ADA2: variants seen among roughly 807,000 people sequenced by gnomAD.
ADA2 encodes the protein adenosine deaminase CECR1.
ADA2 carries 29 observed loss-of-function variants against 44.2 expected under a neutral mutation model. The observed-to-expected ratio is 0.66, with a 90% CI of 0.49 to 0.89. ADA2 has a LOEUF of 0.89. Among genes scored for constraint, ADA2 ranks in the 40% least tolerant of loss-of-function variants. The pLI is 0.00. For synonymous variants in ADA2, 215 were observed against 234.9 expected (o/e 0.92, Z 0.77); for missense variants, 637 against 644.8 (o/e 0.99, Z 0.13).
intron 4 of ADA2, chr22:17,198,727 G>A (rs2062225956): frequency 6.6e-6 from 1 of 152,192 alleles, no homozygotes; most frequent in Non-Finnish European, 1.5e-5. Flanking sequence ...ATAACCCTCC[G>A]GGGTCTTGGA....
In ADA2 at chr22:17,181,789, C is replaced by T. The variant is rs41282461; in HGVS notation, c.1442+31G>A. On this transcript the variant is annotated intron_variant, in intron 9 of 9. Coordinates refer to ENST00000399837, the MANE Select transcript of ADA2 (RefSeq NM_001282225.2). Reference sequence around the variant, plus strand: ...ACACAAGCTGCGGGCTGGAAGGAGGCGGGGGACCTGGGAGGACACAGGACA... The same window carrying T: ...ACACAAGCTGCGGGCTGGAAGGAGGTGGGGGACCTGGGAGGACACAGGACA... 0.3 allele frequency: 467,038 copies of T among 1,578,648 alleles called. 73,240 individuals are homozygous for T. The highest frequency in any genetic ancestry group is 0.33 in the Non-Finnish European group (376,852 of 1,149,768).
chr22:17,215,317 C>T (rs1196100898), intron 1 of ADA2, among the ~76,000 whole-genome samples: 2 of 152,156 alleles, frequency 1.3e-5, no homozygotes, highest in Non-Finnish European at 2.9e-5. Context: ...AATGAAATCA[C>T]GGGCTGGGCA....
chr22:17,211,438 T>C (rs1356694345), intron 1 of ADA2, among the ~76,000 whole-genome samples: 2 of 151,808 alleles, frequency 1.3e-5, no homozygotes, highest in African/African-American at 4.8e-5. Context: ...TTCAAGACCA[T>C]TCTCAGCAAC....
intron 1 of ADA2, among the ~76,000 whole-genome samples, chr22:17,212,623 G>C (rs978726368): frequency 6.6e-6 from 1 of 152,082 alleles, no homozygotes; most frequent in Non-Finnish European, 1.5e-5. Flanking sequence ...CTGATGGAGA[G>C]CTAATATCCA....
chr22:17,181,705 G>T (rs1164994665), intron 9 of ADA2, 115 bp downstream of exon 9: 2 of 1,086,854 alleles, frequency 1.8e-6, no homozygotes, highest in Non-Finnish European at 2.8e-6. Context: ...AAACAGCCAT[G>T]ATGAGAAGGA....
chr22:17,207,599 A>T, intron 2 of ADA2, among the ~76,000 whole-genome samples: 1 of 152,050 alleles, frequency 6.6e-6, no homozygotes. Flanking sequence ...TGTCTCACTA[A>T]TCAGGAGCCA....
At chr22:17,205,036 T>A (rs547288296) in intron 3 of ADA2, among the ~76,000 whole-genome samples, 9 of 149,344 alleles carry the variant, frequency 6.0e-5, no homozygotes, top group East Asian at 3.9e-4. Flanking sequence ...TTTTTTTTTT[T>A]AAACAGAATC....
intron 1 of ADA2, among the ~76,000 whole-genome samples, chr22:17,218,975 G>A (rs113385391): frequency 0.064 from 9,807 of 152,184 alleles, 393 homozygotes; most frequent in East Asian, 0.12. Context: ...TGGCCAACAC[G>A]GTGAAACCCC....
At chr22:17,201,212 AAAG>A (rs954350570) in intron 4 of ADA2, among the ~76,000 whole-genome samples, 44 of 152,132 alleles carry the variant, frequency 2.9e-4, no homozygotes, top group Admixed American at 5.2e-4. Flanking sequence ...CAAAAAAAAA[AAAG>A]AAGAAGAAGA....
intron 1 of ADA2, chr22:17,213,758 C>T: frequency 4.0e-6 from 1 of 249,734 alleles, no homozygotes; most frequent in Non-Finnish European, 8.0e-6. Flanking sequence ...AGCATCCAGG[C>T]CAGGCTTGGT....
intron 4 of ADA2, among the ~76,000 whole-genome samples, chr22:17,194,369 G>C (rs2062163435): frequency 6.6e-6 from 1 of 152,144 alleles, no homozygotes; most frequent in Admixed American, 6.5e-5. Context: ...TGTCTCCCCA[G>C]CCTAGGGGCC....
chr22:17,192,789 A>T (rs2062135226), intron 4 of ADA2: 1 of 309,168 alleles, frequency 3.2e-6, no homozygotes. Context: ...AGATCATACC[A>T]CTGCACTCCA....
At chr22:17,199,423 T>TCCCCTCCTCTATACTCTTCCCCTCCCA in intron 4 of ADA2, 3 of 902,824 alleles carry the variant, frequency 3.3e-6, no homozygotes, top group Admixed American at 1.8e-5. Context: ...GTCTCCTCCC[T>TCCCCTCCTCTATACTCTTCCCCTCCCA]CCCCTCCTCT....
intron 4 of ADA2, among the ~76,000 whole-genome samples, chr22:17,193,969 G>A (rs1459599002): frequency 6.7e-6 from 1 of 149,916 alleles, no homozygotes; most frequent in Non-Finnish European, 1.5e-5. Flanking sequence ...GAGCCCAGGA[G>A]GTCAAGACCA....
chr22:17,192,829 G>GA (rs35262317), intron 4 of ADA2: 9,979 of 300,202 alleles, frequency 0.033, 88 homozygotes, highest in African/African-American at 0.073. Flanking sequence ...ACTCTGTCTC[G>GA]AAAAAAAAAA....
intron 2 of ADA2, among the ~76,000 whole-genome samples, chr22:17,208,030 C>T (rs1449120348): frequency 2.6e-5 from 4 of 152,118 alleles, no homozygotes; most frequent in Non-Finnish European, 4.4e-5. Flanking sequence ...GGCCCTGACA[C>T]GAGCCCCCAG....
At chr22:17,185,835 T>G (rs3788274) in intron 7 of ADA2, among the ~76,000 whole-genome samples, 133,018 of 151,774 alleles carry the variant, frequency 0.88, 58,379 homozygotes, top group East Asian at 0.92. Flanking sequence ...TCTCCACCCC[T>G]CTTTGGTCTT....
chr22:17,193,234 A>G, intron 4 of ADA2: 1 of 1,045,458 alleles, frequency 9.6e-7, no homozygotes. Flanking sequence ...CCACGAAGCC[A>G]TCGTGGAAAG....
rs555942306 is a variant in ADA2, at chr22:17,213,701, CT to C, written c.-46-3979del. 1.5e-4 allele frequency: 36 copies of C among 247,772 alleles called. 1 individual carries two copies. The highest frequency in any genetic ancestry group is 8.4e-4 in the African/African-American group (36 of 42,920). The allele number at this position is 247,772 out of a possible 1,614,324, so 15.3% of individuals were successfully genotyped here. ...ACAAGTGGACCCCGGCCCGCGCAGC[CT>C]TTGAGAAAATGCAGGAGAAGCGGCA... On this transcript the variant is annotated intron_variant, in intron 1 of 9. Coordinates refer to ENST00000399837, the MANE Select transcript of ADA2 (RefSeq NM_001282225.2).
Sources: gnomAD v4.1 joint callset for allele counts (sites outside exome capture counted in the v4.1 genomes callset) on GRCh38, gnomAD v4.1.1 for gene constraint, MANE v1.5 for transcripts, NCBI Gene and HGNC (gene_info 2026-07-23, HGNC 2026-07-21) for gene names.